The following CNTN4 variants were observed in gnomAD, a reference collection of about 807,000 sequenced individuals.
CNTN4 encodes the protein contactin 4.
A neutral mutation model predicts 122.5 loss-of-function variants in CNTN4; 77 were observed. The ratio of observed to expected loss-of-function variants is 0.63; its 90% CI spans 0.52 to 0.76. CNTN4 has a LOEUF of 0.76. CNTN4 is among the 30% of genes least tolerant of loss of function. The probability of loss-of-function intolerance (pLI) is 0.00; values close to 1 mark genes in which losing one functional copy is unlikely to be tolerated. For synonymous variants in CNTN4, 512 were observed against 447.0 expected, an observed-to-expected ratio of 1.15 and a Z score of -1.83; for missense variants, 1,256 against 1,259.1, an observed-to-expected ratio of 1.00 and a Z score of 0.04.
intron 4 of CNTN4, among the ~76,000 whole-genome samples, chr3:2,685,291 G>C (rs1264214358): frequency 6.6e-6 from 1 of 152,084 alleles, no homozygotes; most frequent in African/African-American, 2.4e-5. Context: ...AATGGGGAGT[G>C]AATACTTGAG....
chr3:2,945,264 G>A (rs148274262), intron 13 of CNTN4, among the ~76,000 whole-genome samples: 1 of 152,260 alleles, frequency 6.6e-6, no homozygotes, highest in Admixed American at 6.5e-5. Context: ...TCTTATGTTA[G>A]CCAATTAGTC....
At chr3:2,222,749 C>G (rs534479051) in intron 2 of CNTN4, among the ~76,000 whole-genome samples, 1 of 151,974 alleles carries the variant, frequency 6.6e-6, no homozygotes, top group Non-Finnish European at 1.5e-5. Flanking sequence ...AATAAGCTAT[C>G]GTTGGCCTTA....
At chr3:2,862,038 T>C (rs1577081369) in intron 7 of CNTN4, among the ~76,000 whole-genome samples, 6 of 152,208 alleles carry the variant, frequency 3.9e-5, no homozygotes, top group Admixed American at 3.9e-4. Flanking sequence ...GTCAAATGTG[T>C]GATCATGATC....
At chr3:2,456,783 GA>G (rs1157774531) in intron 3 of CNTN4, among the ~76,000 whole-genome samples, 1 of 152,018 alleles carries the variant, frequency 6.6e-6, no homozygotes, top group East Asian at 1.9e-4. Context: ...ATGGACGCTT[GA>G]GTTGTTTCCA....
At chr3:3,014,046 G>GCACACACACACACACACA (rs1559789736) in intron 14 of CNTN4, among the ~76,000 whole-genome samples, 1 of 87,732 alleles carries the variant, frequency 1.1e-5, no homozygotes, top group East Asian at 3.5e-4. Flanking sequence ...ACATTTAAAT[G>GCACACACACACACACACA]TACACACACA....
At position 2,632,030 on chromosome 3, in the gene CNTN4, G is replaced by A. The variant is rs535966868; in HGVS notation, c.55+60472G>A. 4.1e-4 allele frequency among the ~76,000 whole-genome samples: 62 copies of A among 151,602 alleles called. 4 individuals are homozygous for A. The South Asian group carries it at 0.012, about 30-fold the overall frequency. ...TGCACTACTGCACTTCACCCTGGGG[G>A]ACAGAGCAAGACCCTGTCTCAAAAT... On this transcript the variant is annotated intron_variant, in intron 4 of 24. Coordinates refer to ENST00000418658, the MANE Select transcript of CNTN4 (RefSeq NM_175607.3).
intron 3 of CNTN4, among the ~76,000 whole-genome samples, chr3:2,526,148 C>T (rs1310579795): frequency 6.6e-6 from 1 of 152,138 alleles, no homozygotes; most frequent in African/African-American, 2.4e-5. Flanking sequence ...CACTATGGTC[C>T]TCCCTATGAC....
intron 3 of CNTN4, among the ~76,000 whole-genome samples, chr3:2,486,323 A>G (rs992459611): frequency 1.3e-5 from 2 of 152,212 alleles, no homozygotes; most frequent in Non-Finnish European, 2.9e-5. Context: ...TCATTCTGGA[A>G]GTCAGTGAGA....
At chr3:2,673,740 C>T (rs1311605310) in intron 4 of CNTN4, among the ~76,000 whole-genome samples, 1 of 152,106 alleles carries the variant, frequency 6.6e-6, no homozygotes, top group East Asian at 1.9e-4. Flanking sequence ...GACAGGGTTT[C>T]ACCATGTTAG....
intron 2 of CNTN4, among the ~76,000 whole-genome samples, chr3:2,146,562 AT>A (rs1477642230): frequency 2.0e-5 from 3 of 152,170 alleles, no homozygotes; most frequent in African/African-American, 7.2e-5. Context: ...CTCACTTGAT[AT>A]TTTACATTTT....
chr3:2,744,288 T>A (rs2089635790), intron 5 of CNTN4, among the ~76,000 whole-genome samples: 1 of 152,184 alleles, frequency 6.6e-6, no homozygotes. Context: ...CTCACGTACA[T>A]TTTTTTCATG....
rs565947562 is a variant in CNTN4 at position 2,553,331 on chromosome 3, A to G, written c.-88-18085A>G. Among the ~76,000 whole-genome samples, 3 of 152,250 alleles carry G rather than the reference A, an allele frequency of 2.0e-5. No individual in the cohort carries two copies. In the East Asian group the frequency reaches 5.8e-4, roughly 29 times the overall value. Reference sequence around the variant, plus strand: ...GTGCTATCTACAGCGTTCTGTCTCTATAGGTATGTTTTGATGTGCTTGTTT... The same window carrying G: ...GTGCTATCTACAGCGTTCTGTCTCTGTAGGTATGTTTTGATGTGCTTGTTT... On this transcript the variant is annotated intron_variant, in intron 3 of 24. Transcript: ENST00000418658.
chr3:2,167,783 C>G (rs973634404), intron 2 of CNTN4, among the ~76,000 whole-genome samples: 2 of 152,132 alleles, frequency 1.3e-5, no homozygotes, highest in Non-Finnish European at 2.9e-5. Flanking sequence ...TTTAATATGT[C>G]CACTTGGCTT....
At chr3:2,420,636 A>G (rs1368492848) in intron 3 of CNTN4, among the ~76,000 whole-genome samples, 1 of 151,926 alleles carries the variant, frequency 6.6e-6, no homozygotes, top group Non-Finnish European at 1.5e-5. Context: ...CGGATTCACC[A>G]TGTTGGCCAG....
chr3:2,197,670 C>G (rs1408128049), intron 2 of CNTN4, among the ~76,000 whole-genome samples: 1 of 152,024 alleles, frequency 6.6e-6, no homozygotes, highest in Non-Finnish European at 1.5e-5. Flanking sequence ...ATAAAAAATA[C>G]CAGTCTTGTG....
At chr3:2,521,433 T>G (rs1286354813) in intron 3 of CNTN4, among the ~76,000 whole-genome samples, 1 of 147,424 alleles carries the variant, frequency 6.8e-6, no homozygotes, top group African/African-American at 2.5e-5. Context: ...ATTGACTATT[T>G]TGAAACCTAT....
At chr3:2,579,671 C>A (rs1251749525) in intron 4 of CNTN4, among the ~76,000 whole-genome samples, 1 of 152,062 alleles carries the variant, frequency 6.6e-6, no homozygotes, top group Non-Finnish European at 1.5e-5. Flanking sequence ...GATTAATGAG[C>A]TATTATTCAT....
intron 4 of CNTN4, among the ~76,000 whole-genome samples, chr3:2,676,457 A>G (rs1559376311): frequency 6.6e-6 from 1 of 152,202 alleles, no homozygotes; most frequent in Non-Finnish European, 1.5e-5. Flanking sequence ...CCTGACCTCA[A>G]GTGATCCGGC....
chr3:2,236,593 T>A (rs182584921), intron 2 of CNTN4, among the ~76,000 whole-genome samples: 1 of 152,346 alleles, frequency 6.6e-6, no homozygotes, highest in Non-Finnish European at 1.5e-5. Flanking sequence ...ACCCAGTACT[T>A]TTTGTTTGGA....
Sources: allele counts gnomAD v4.1 joint callset (sites outside exome capture counted in the v4.1 genomes callset), GRCh38; gene constraint gnomAD v4.1.1; transcripts MANE v1.5; gene names NCBI Gene and HGNC (gene_info 2026-07-23, HGNC 2026-07-21).